The following CCDC83 variants were observed in gnomAD, a reference collection of about 807,000 sequenced individuals.
CCDC83 encodes coiled-coil domain containing 83.
In CCDC83, 54 loss-of-function variants were observed where a neutral mutation model predicts 50.1. That is an observed-to-expected ratio of 1.08 (90% CI 0.87 to 1.35). The LOEUF (loss-of-function observed/expected upper bound fraction) is 1.35. Among genes scored for constraint, CCDC83 ranks in the 40% most tolerant of loss-of-function variants. The pLI, the probability that CCDC83 is intolerant of heterozygous loss-of-function variation, is 0.00. For missense variants in CCDC83, 518 were observed against 473.9 expected, an observed-to-expected ratio of 1.09 and a Z score of -0.86; for synonymous variants, 161 against 153.3, an observed-to-expected ratio of 1.05 and a Z score of -0.37.
chr11:85,917,253 G>GAAA lies in CCDC83; in HGVS notation c.1080+1020_1080+1021insAAA, dbSNP rs879496177. 1.0e-3 allele frequency among the ~76,000 whole-genome samples: 138 copies of GAAA among 133,044 alleles called. 1 individual carries two copies. The highest frequency in any genetic ancestry group is 4.0e-3 in the Middle Eastern group (1 of 252). The allele number at this position is 133,044 out of a possible 152,430, so 87.3% of individuals were successfully genotyped here. On this transcript the variant is annotated intron_variant, in intron 10 of 10. Coordinates refer to ENST00000342404, the MANE Select transcript of CCDC83 (RefSeq NM_001286159.2). Reference sequence around the variant, plus strand: ...AAGAAAAGAAAGAAAGAGGGAAGGAGGAAAGGAAGGAAGGAAGGAAGGAAA... The same window carrying GAAA: ...AAGAAAAGAAAGAAAGAGGGAAGGAGAAAGAAAGGAAGGAAGGAAGGAAGGAAA...
intron 10 of CCDC83, among the ~76,000 whole-genome samples, chr11:85,918,457 G>A (rs2093492817): frequency 1.3e-5 from 2 of 152,196 alleles, no homozygotes; most frequent in East Asian, 1.9e-4. Context: ...AAGAGTTATG[G>A]CATGGGAGAC....
At chr11:85,895,813 G>A (rs1592172501) in intron 6 of CCDC83, among the ~76,000 whole-genome samples, 1 of 152,054 alleles carries the variant, frequency 6.6e-6, no homozygotes, top group East Asian at 1.9e-4. Flanking sequence ...ACAGCTCAGT[G>A]AATTTTTTCT....
chr11:85,917,216 A>G (rs1191097368), intron 10 of CCDC83, among the ~76,000 whole-genome samples: 1 of 137,316 alleles, frequency 7.3e-6, no homozygotes, highest in Non-Finnish European at 1.6e-5. Flanking sequence ...GAAGGAAAGA[A>G]AGAAAGAAAG....
At chr11:85,905,635 T>C (rs937129834) in intron 7 of CCDC83, among the ~76,000 whole-genome samples, 1 of 147,978 alleles carries the variant, frequency 6.8e-6, no homozygotes, top group African/African-American at 2.5e-5. Context: ...AAAAAAGGTA[T>C]TAACAATTTT....
At chr11:85,867,804 C>T (rs1371632353) in intron 2 of CCDC83, among the ~76,000 whole-genome samples, 1 of 152,190 alleles carries the variant, frequency 6.6e-6, no homozygotes, top group African/African-American at 2.4e-5. Context: ...TTCTCATGAT[C>T]TAGTGCAAGT....
intron 10 of CCDC83, among the ~76,000 whole-genome samples, chr11:85,918,829 T>C (rs754617186): frequency 2.6e-5 from 4 of 152,178 alleles, no homozygotes; most frequent in Admixed American, 1.3e-4. Flanking sequence ...GAACAGTCAA[T>C]TATGTATTCA....
chr11:85,858,430 G>A (rs2093155334), intron 1 of CCDC83, among the ~76,000 whole-genome samples: 1 of 152,138 alleles, frequency 6.6e-6, no homozygotes, highest in Non-Finnish European at 1.5e-5. Context: ...TCCAGGCCCT[G>A]CCTCTCCTCC....
rs140510148 is a variant in CCDC83 at position 85,897,668 on chromosome 11, G to A, written c.604-1279G>A. On this transcript the variant is annotated intron_variant, in intron 6 of 10. Coordinates refer to ENST00000342404, the MANE Select transcript of CCDC83 (RefSeq NM_001286159.2). ...CACTGATCCACTGTTAGTGAATCCA[G>A]CCATTAGCCAATTAACTTCAGTTAG... Among the ~76,000 whole-genome samples, 363 of 152,284 alleles carry A rather than the reference G, an allele frequency of 2.4e-3. 1 individual carries two copies. Among genetic ancestry groups the A allele is most frequent in the African/African-American group, 8.6e-3 (356 of 41,552 alleles).
chr11:85,907,195 C>A (rs942191885), intron 7 of CCDC83, among the ~76,000 whole-genome samples: 2 of 152,094 alleles, frequency 1.3e-5, no homozygotes, highest in African/African-American at 4.8e-5. Context: ...ATATAAATCA[C>A]TGGGAAGGCT....
intron 7 of CCDC83, among the ~76,000 whole-genome samples, chr11:85,907,928 C>T (rs2093432849): frequency 6.6e-6 from 1 of 152,174 alleles, no homozygotes; most frequent in South Asian, 2.1e-4. Context: ...TGCATTAATT[C>T]CTTCTGTTTA....
chr11:85,910,478 A>C (rs973194972), intron 7 of CCDC83, among the ~76,000 whole-genome samples: 2 of 152,244 alleles, frequency 1.3e-5, no homozygotes, highest in African/African-American at 4.8e-5. Flanking sequence ...TGACAGAAGG[A>C]CTACTAGCCT....
chr11:85,916,157 A>G lies in CCDC83; in HGVS notation c.1004A>G (p.Lys335Arg), dbSNP rs182076424. 2 of 1,613,530 alleles carry G rather than the reference A, an allele frequency of 1.2e-6. No homozygotes were observed. Among genetic ancestry groups the G allele is most frequent in the South Asian group, 2.2e-5 (2 of 91,040 alleles). ...IEDLQYVKID[K>R]EENSGTEFGD... Reference sequence around the variant, plus strand: ...GATCTCCAGTATGTGAAGATAGATAAAGAGGAAAACTCAGGCACAGAGTTT... The same window carrying G: ...GATCTCCAGTATGTGAAGATAGATAGAGAGGAAAACTCAGGCACAGAGTTT... Residue 335 changes from lysine to arginine, a missense_variant, in exon 10 of 11, where the codon AAA becomes AGA. By Grantham distance (26) the Lys-to-Arg change is conservative. Coordinates refer to ENST00000342404, the MANE Select transcript of CCDC83 (RefSeq NM_001286159.2).
chr11:85,896,049 CAT>C (rs771809907), intron 6 of CCDC83, among the ~76,000 whole-genome samples: 35 of 152,214 alleles, frequency 2.3e-4, no homozygotes, highest in Admixed American at 1.1e-3. Flanking sequence ...TTATCTGACA[CAT>C]GTTTCAGATT....
At chr11:85,874,197 G>C (rs1032088361) in intron 3 of CCDC83, among the ~76,000 whole-genome samples, 1 of 152,214 alleles carries the variant, frequency 6.6e-6, no homozygotes, top group Non-Finnish European at 1.5e-5. Context: ...ATATAACTGT[G>C]ACTCTGACAC....
intron 7 of CCDC83, among the ~76,000 whole-genome samples, chr11:85,906,322 C>T (rs115985447): frequency 0.019 from 2,837 of 152,156 alleles, 74 homozygotes; most frequent in African/African-American, 0.065. Flanking sequence ...CAGCCTTAGC[C>T]TCCCCAAATG....
intron 6 of CCDC83, among the ~76,000 whole-genome samples, chr11:85,897,881 G>A (rs2093382349): frequency 6.6e-6 from 1 of 152,138 alleles, no homozygotes; most frequent in African/African-American, 2.4e-5. Flanking sequence ...ATAGGGCTGG[G>A]CGCGGTGGCT....
intron 5 of CCDC83, among the ~76,000 whole-genome samples, chr11:85,889,227 C>G (rs753714410): frequency 2.6e-5 from 4 of 152,208 alleles, no homozygotes; most frequent in Non-Finnish European, 4.4e-5. Context: ...GTGCCGCACA[C>G]CTGCAGTTCC....
At chr11:85,915,941 A>C in intron 9 of CCDC83, 87 bp from the exon 10 acceptor site, 1 of 910,432 alleles carries the variant, frequency 1.1e-6, no homozygotes, top group Non-Finnish European at 1.7e-6. Flanking sequence ...GTTCCATCCA[A>C]TTAAAAATGT....
Position 85,887,233 on chromosome 11 carries a change from T to A in CCDC83, c.511+866T>A, listed in dbSNP as rs377434080. On this transcript the variant is annotated intron_variant, in intron 5 of 10. Transcript: ENST00000342404. Reference sequence around the variant, plus strand: ...CTGGACACGATGAGGGCCAGCTGTCTGTTACTGAGGCAAGCATAGCAGCTT... The same window carrying A: ...CTGGACACGATGAGGGCCAGCTGTCAGTTACTGAGGCAAGCATAGCAGCTT... Among the ~76,000 whole-genome samples the A allele has an allele frequency of 2.0e-4, 31 of 152,214 alleles. 1 individual carries two copies. The highest frequency in any genetic ancestry group is 1.2e-3 in the East Asian group (6 of 5,196).
Sources: allele counts gnomAD v4.1 joint callset (sites outside exome capture counted in the v4.1 genomes callset), GRCh38; gene constraint gnomAD v4.1.1; transcripts MANE v1.5; gene names NCBI Gene and HGNC (gene_info 2026-07-23, HGNC 2026-07-21).